Variants in XRCC5 observed in about 807,000 individuals in gnomAD.
The protein encoded by XRCC5 is X-ray repair cross complementing 5.
A neutral mutation model predicts 95.7 loss-of-function variants in XRCC5; 12 were observed. That is an observed-to-expected ratio of 0.13 (90% CI 0.08 to 0.20). The LOEUF is 0.20. Ranked by LOEUF, XRCC5 falls within the 10% of genes least tolerant of loss-of-function variation. The pLI, the probability that XRCC5 is intolerant of heterozygous loss-of-function variation, is 1.00. For missense variants in XRCC5, 595 were observed against 873.9 expected (o/e 0.68, Z 4.02); for synonymous variants, 281 against 290.3 (o/e 0.97, Z 0.33).
intron 16 of XRCC5, among the ~76,000 whole-genome samples, chr2:216,174,464 A>G (rs1369923159): frequency 6.6e-6 from 1 of 152,236 alleles, no homozygotes; most frequent in African/African-American, 2.4e-5. Context: ...AATACCTTCA[A>G]AACTGCATTT....
intron 16 of XRCC5, among the ~76,000 whole-genome samples, chr2:216,174,138 C>A (rs1253799562): frequency 6.7e-6 from 1 of 150,290 alleles, no homozygotes; most frequent in Non-Finnish European, 1.5e-5. Context: ...CATCTGAGTT[C>A]TTTGTGGGGA....
intron 16 of XRCC5, among the ~76,000 whole-genome samples, chr2:216,174,699 A>C (rs965267628): frequency 3.3e-5 from 5 of 152,212 alleles, no homozygotes; most frequent in Admixed American, 3.3e-4. Context: ...AACTGTGGCT[A>C]TGATAGTCCT....
chr2:216,144,635 A>C (rs2106017036), intron 13 of XRCC5, among the ~76,000 whole-genome samples: 1 of 152,356 alleles, frequency 6.6e-6, no homozygotes, highest in South Asian at 2.1e-4. Context: ...CAGGTGGAAA[A>C]GATAATTCAT....
Position 216,149,908 on chromosome 2 carries a change from TACTC to T in XRCC5, c.1670+1635_1670+1638del, listed in dbSNP as rs1688712002. Reference sequence around the variant, plus strand: ...TCTTGCAGGGGCCTGAGAAGTATCTTACTCACACACGCTTGCTCACGCTCCTATT... The same window carrying T: ...TCTTGCAGGGGCCTGAGAAGTATCTTACACACGCTTGCTCACGCTCCTATT... On this transcript the variant is annotated intron_variant, in intron 14 of 20. Transcript: ENST00000392132. 3.9e-5 allele frequency among the ~76,000 whole-genome samples: 6 copies of T among 152,308 alleles called. No homozygotes were observed. In the South Asian group the frequency reaches 1.2e-3, roughly 32 times the overall value.
In XRCC5 at chr2:216,205,224, T is replaced by C; in HGVS notation, c.*22T>C. The C allele has an allele frequency of 2.5e-6, 4 of 1,613,978 alleles. No individual in the cohort carries two copies. Among genetic ancestry groups the C allele is most frequent in the Non-Finnish European group, 3.4e-6 (4 of 1,179,844 alleles). On this transcript the variant is annotated 3_prime_UTR_variant, in exon 21 of 21. Transcript: ENST00000392132. ...ATAGGTCGTGGATGTATGGGGAATC[T>C]AAGAGAGCTGCCATCGCTGTGATGC... is the stretch of plus-strand genomic sequence containing the variant.
intron 13 of XRCC5, among the ~76,000 whole-genome samples, chr2:216,144,969 A>G (rs1688596480): frequency 6.6e-6 from 1 of 152,236 alleles, no homozygotes; most frequent in Admixed American, 6.5e-5. Flanking sequence ...AAACTAGGAG[A>G]AATGCATCTT....
intron 16 of XRCC5, among the ~76,000 whole-genome samples, chr2:216,164,212 T>TA (rs1414098212): frequency 3.3e-5 from 5 of 152,188 alleles, no homozygotes; most frequent in Non-Finnish European, 2.9e-5. Flanking sequence ...AATTGAGACT[T>TA]TCCTAGCTTT....
chr2:216,128,866 A>T (rs1696935732), intron 8 of XRCC5, among the ~76,000 whole-genome samples: 1 of 152,174 alleles, frequency 6.6e-6, no homozygotes, highest in Non-Finnish European at 1.5e-5. Context: ...GCTGAAAGAC[A>T]CTCGTTCACA....
At position 216,165,230 on chromosome 2, in the gene XRCC5, G is replaced by A. The variant is rs1689033325; in HGVS notation, c.1834+3182G>A. On this transcript the variant is annotated intron_variant, in intron 16 of 20. Transcript: ENST00000392132. ...TTTTAAAACAACATTTTAAGGTCGTGTATCTGAAACCTTGTACCTACTGAT... is the reference window on the plus strand; with the variant it reads ...TTTTAAAACAACATTTTAAGGTCGTATATCTGAAACCTTGTACCTACTGAT... Among the ~76,000 whole-genome samples, 5 of 152,306 alleles carry A rather than the reference G, an allele frequency of 3.3e-5. No individual in the cohort carries two copies. The South Asian group carries it at 1.0e-3, about 32-fold the overall frequency.
intron 16 of XRCC5, among the ~76,000 whole-genome samples, chr2:216,166,498 C>T (rs927907504): frequency 1.3e-5 from 2 of 152,174 alleles, no homozygotes; most frequent in Non-Finnish European, 2.9e-5. Context: ...TCCCTACATA[C>T]ACTATTCATA....
At chr2:216,182,072 G>A (rs983738656) in intron 16 of XRCC5, among the ~76,000 whole-genome samples, 1 of 152,076 alleles carries the variant, frequency 6.6e-6, no homozygotes, top group African/African-American at 2.4e-5. Flanking sequence ...TTTCAAAAAA[G>A]ACTCAAATTC....
At position 216,125,728 on chromosome 2, in the gene XRCC5, C is replaced by G. The variant is rs1328941353; in HGVS notation, c.684-189C>G. On this transcript the variant is annotated intron_variant, in intron 6 of 20. Transcript: ENST00000392132. ...AAAGTAATTCAGCTCCTCTTCCCTT[C>G]TAAGCCAACTCACTCTTGCCCTGGC... 2.0e-5 allele frequency among the ~76,000 whole-genome samples: 3 copies of G among 152,174 alleles called. No individual in the cohort carries two copies. The South Asian group carries it at 6.2e-4, about 32-fold the overall frequency.
At chr2:216,158,100 A>G (rs1688880995) in intron 14 of XRCC5, among the ~76,000 whole-genome samples, 1 of 152,192 alleles carries the variant, frequency 6.6e-6, no homozygotes, top group Non-Finnish European at 1.5e-5. Context: ...CTTTCCCTAG[A>G]ACCTCATTTT....
chr2:216,117,760 A>G lies in XRCC5; in HGVS notation c.334A>G (p.Ile112Val), dbSNP rs777324122. The G allele has an allele frequency of 2.5e-6, 4 of 1,614,162 alleles. No homozygotes were observed. Among genetic ancestry groups the G allele is most frequent in the Non-Finnish European group, 1.7e-6 (2 of 1,180,012 alleles). ...SQQADFLDAL[I>V]VSMDVIQHET... is the part of the protein sequence containing the mutation. ...AACTAGCTGAGTCCTGGATGCACTAATCGTGAGCATGGATGTGATTCAACA... is the reference window on the plus strand; with the variant it reads ...AACTAGCTGAGTCCTGGATGCACTAGTCGTGAGCATGGATGTGATTCAACA... Residue 112 changes from isoleucine (I) to valine (V), a missense_variant, in exon 4 of 21, where the codon ATC becomes GTC. Physicochemically the swap from Ile to Val is conservative, Grantham distance 29. Around this residue, in one of 2 missense-constraint regions of XRCC5, gnomAD observed 286 missense variants for 491.1 expected, o/e 0.58. Coordinates refer to ENST00000392132, the MANE Select transcript of XRCC5 (RefSeq NM_021141.4).
chr2:216,111,690 A>C (rs1696593636), intron 1 of XRCC5, among the ~76,000 whole-genome samples: 1 of 152,118 alleles, frequency 6.6e-6, no homozygotes, highest in Non-Finnish European at 1.5e-5. Flanking sequence ...TTTCCTGGTA[A>C]GATGTTAGCC....
intron 4 of XRCC5, among the ~76,000 whole-genome samples, chr2:216,118,284 C>T (rs1361761675): frequency 1.3e-5 from 2 of 151,808 alleles, no homozygotes; most frequent in African/African-American, 4.8e-5. Context: ...TCAAGAGATC[C>T]TTGCATCTCA....
At chr2:216,126,922 A>G (rs963585180) in intron 7 of XRCC5, among the ~76,000 whole-genome samples, 5 of 136,450 alleles carry the variant, frequency 3.7e-5, no homozygotes, top group Admixed American at 7.2e-5. Flanking sequence ...TTTTTTTTCT[A>G]TTGGAAACTA....
At chr2:216,152,602 G>A (rs974033143) in intron 14 of XRCC5, among the ~76,000 whole-genome samples, 2 of 151,160 alleles carry the variant, frequency 1.3e-5, no homozygotes, top group African/African-American at 2.4e-5. Flanking sequence ...ATTTCATCCT[G>A]CCTAAAGTGA....
At chr2:216,163,063 G>A (rs886920103) in intron 16 of XRCC5, among the ~76,000 whole-genome samples, 1 of 152,044 alleles carries the variant, frequency 6.6e-6, no homozygotes, top group African/African-American at 2.4e-5. Flanking sequence ...TGACTTCTAC[G>A]TATGTGAGTG....
Sources: allele counts gnomAD v4.1 joint callset (sites outside exome capture counted in the v4.1 genomes callset), GRCh38; gene constraint gnomAD v4.1.1; regional missense constraint gnomAD v4.1.1; transcripts MANE v1.5; gene names NCBI Gene and HGNC (gene_info 2026-07-23, HGNC 2026-07-21).